The following PAPSS2 variants were observed in gnomAD, a reference collection of about 807,000 sequenced individuals.
The protein encoded by PAPSS2 is 3'-phosphoadenosine 5'-phosphosulfate synthase 2.
In PAPSS2, 61 loss-of-function variants were observed where a neutral mutation model predicts 66.5. The observed-to-expected ratio is 0.92, with a 90% CI of 0.75 to 1.14. The LOEUF is 1.14. PAPSS2 is among the 50% of genes most tolerant of loss of function. The pLI is 0.00. For missense variants in PAPSS2, 708 were observed against 789.6 expected (o/e 0.90, Z 1.24); for synonymous variants, 289 against 287.5 (o/e 1.01, Z -0.05).
intron 1 of PAPSS2, among the ~76,000 whole-genome samples, chr10:87,679,823 C>G (rs1430102793): frequency 1.3e-5 from 2 of 151,876 alleles, no homozygotes; most frequent in African/African-American, 4.8e-5. Context: ...TCCAGGGGTT[C>G]GAGACCAGCC....
intron 1 of PAPSS2, among the ~76,000 whole-genome samples, chr10:87,681,083 C>T (rs972064940): frequency 7.2e-5 from 11 of 152,146 alleles, no homozygotes; most frequent in South Asian, 2.1e-4. Context: ...GTAAGGGAAG[C>T]GGGTGTTGCT....
chr10:87,722,177 T>G lies in PAPSS2; in HGVS notation c.880+407T>G, dbSNP rs139290852. Among the ~76,000 whole-genome samples, 30 of 152,332 alleles carry G rather than the reference T, an allele frequency of 2.0e-4. No homozygotes were observed. In the East Asian group the frequency reaches 4.8e-3, roughly 24 times the overall value. ...TTAAGTTGATGAAGAATAAATCGAT[T>G]TAAACTGAATGTACCTGGTTGGATT... On this transcript the variant is annotated intron_variant, in intron 8 of 12. Coordinates refer to ENST00000456849, the MANE Select transcript of PAPSS2 (RefSeq NM_001015880.2).
intron 9 of PAPSS2, among the ~76,000 whole-genome samples, chr10:87,738,431 G>A (rs1327422603): frequency 6.9e-6 from 1 of 144,894 alleles, no homozygotes; most frequent in Admixed American, 6.9e-5. Flanking sequence ...GTGTGTGTGT[G>A]TGTGTGTGTC....
At chr10:87,681,679 C>T (rs189307440) in intron 1 of PAPSS2, among the ~76,000 whole-genome samples, 1 of 152,274 alleles carries the variant, frequency 6.6e-6, no homozygotes, top group African/African-American at 2.4e-5. Flanking sequence ...AAAAAGATCC[C>T]TGGTGCCCAT....
intron 1 of PAPSS2, among the ~76,000 whole-genome samples, chr10:87,685,682 T>C (rs1269460228): frequency 6.6e-6 from 1 of 152,128 alleles, no homozygotes; most frequent in South Asian, 2.1e-4. Flanking sequence ...AGACCCTGTC[T>C]CAAAAAAAAT....
At chr10:87,745,648 T>C (rs1171790724) in intron 12 of PAPSS2, among the ~76,000 whole-genome samples, 184 bp from the exon 13 acceptor site, 6 of 152,212 alleles carry the variant, frequency 3.9e-5, no homozygotes, top group Non-Finnish European at 8.8e-5. Flanking sequence ...AAATACTAAA[T>C]GGATAGCTGC....
chr10:87,704,898 T>A (rs1397455745), intron 1 of PAPSS2, among the ~76,000 whole-genome samples: 1 of 152,152 alleles, frequency 6.6e-6, no homozygotes, highest in African/African-American at 2.4e-5. Context: ...CACCTCAGCT[T>A]CTCAAAGTGC....
rs942671274 is a variant in PAPSS2 at position 87,746,600 on chromosome 10, A to T, written c.*630A>T. 2.6e-5 allele frequency: 4 copies of T among 152,374 alleles called. No homozygotes were observed. The highest frequency in any genetic ancestry group is 2.6e-4 in the Admixed American group (4 of 15,304). The allele number at this position is 152,374 out of a possible 1,614,324, so 9.4% of individuals were successfully genotyped here. On this transcript the variant is annotated 3_prime_UTR_variant, in exon 13 of 13. Coordinates refer to ENST00000456849, the MANE Select transcript of PAPSS2 (RefSeq NM_001015880.2). Reference sequence around the variant, plus strand: ...GATCTGTGCAGCCTATTTCTGTCACAAAAGTTATATTGTCTAATAAGAGAA... The same window carrying T: ...GATCTGTGCAGCCTATTTCTGTCACTAAAGTTATATTGTCTAATAAGAGAA...
Position 87,690,333 on chromosome 10 carries a change from A to C in PAPSS2, c.28-18863A>C, listed in dbSNP as rs529557836. On this transcript the variant is annotated intron_variant, in intron 1 of 12. Coordinates refer to ENST00000456849, the MANE Select transcript of PAPSS2 (RefSeq NM_001015880.2). ...TGAAAAAGGTGTGTAATAGTGTGGA[A>C]AGGAGGATTAAGCAAATAAATGCCT... Among the ~76,000 whole-genome samples, 26 of 152,334 alleles carry C rather than the reference A, an allele frequency of 1.7e-4. No homozygotes were observed. In the South Asian group the frequency reaches 5.4e-3, roughly 32 times the overall value.
intron 1 of PAPSS2, among the ~76,000 whole-genome samples, chr10:87,669,279 G>A (rs1190098145): frequency 1.3e-5 from 2 of 152,238 alleles, no homozygotes; most frequent in East Asian, 3.9e-4. Flanking sequence ...TCAGTTATAC[G>A]CCAAAGCCTC....
At chr10:87,674,555 T>C (rs544456349) in intron 1 of PAPSS2, among the ~76,000 whole-genome samples, 19 of 152,322 alleles carry the variant, frequency 1.2e-4, no homozygotes, top group African/African-American at 4.3e-4. Context: ...TTAGCAATAC[T>C]TGTGACTATG....
chr10:87,680,957 T>C (rs1018028112), intron 1 of PAPSS2, among the ~76,000 whole-genome samples: 1 of 152,244 alleles, frequency 6.6e-6, no homozygotes, highest in African/African-American at 2.4e-5. Flanking sequence ...CACTGCTATA[T>C]AGTGTATTCC....
chr10:87,726,722 CTTA>C (rs1366464638), intron 8 of PAPSS2, among the ~76,000 whole-genome samples: 2 of 152,116 alleles, frequency 1.3e-5, no homozygotes, highest in Non-Finnish European at 2.9e-5. Context: ...TCATAAGTAA[CTTA>C]TTATACAAAA....
chr10:87,693,833 T>C (rs1853200256), intron 1 of PAPSS2, among the ~76,000 whole-genome samples: 1 of 152,216 alleles, frequency 6.6e-6, no homozygotes, highest in African/African-American at 2.4e-5. Context: ...TTTTAAACGT[T>C]TGGACTGCTT....
chr10:87,703,863 T>C, intron 1 of PAPSS2: 1 of 515,102 alleles, frequency 1.9e-6, no homozygotes, highest in Admixed American at 1.9e-5. Flanking sequence ...CAGAGTTAGA[T>C]GGGATGCCGA....
chr10:87,732,631 A>G (rs1025541945), intron 9 of PAPSS2, among the ~76,000 whole-genome samples: 7 of 152,204 alleles, frequency 4.6e-5, no homozygotes, highest in African/African-American at 1.7e-4. Context: ...GCACTGGGAA[A>G]CCAAAAAATT....
intron 1 of PAPSS2, among the ~76,000 whole-genome samples, chr10:87,690,459 G>A (rs1853158546): frequency 6.6e-6 from 1 of 152,190 alleles, no homozygotes; most frequent in Non-Finnish European, 1.5e-5. Flanking sequence ...TAGAGAGATG[G>A]GGGCGGAGGC....
intron 1 of PAPSS2, among the ~76,000 whole-genome samples, chr10:87,662,067 T>G (rs960422860): frequency 1.3e-5 from 2 of 152,250 alleles, no homozygotes; most frequent in African/African-American, 4.8e-5. Flanking sequence ...ATCAATTGTT[T>G]GATAAGTATT....
chr10:87,684,844 C>T (rs183223960), intron 1 of PAPSS2, among the ~76,000 whole-genome samples: 1 of 152,326 alleles, frequency 6.6e-6, no homozygotes, highest in African/African-American at 2.4e-5. Flanking sequence ...TGAGCCAGAC[C>T]TTGAGCCAAG....
Sources: allele counts gnomAD v4.1 joint callset (sites outside exome capture counted in the v4.1 genomes callset), GRCh38; gene constraint gnomAD v4.1.1; transcripts MANE v1.5; gene names NCBI Gene and HGNC (gene_info 2026-07-23, HGNC 2026-07-21).